COQ5: variants seen among roughly 807,000 people sequenced by gnomAD.
COQ5 encodes coenzyme Q5, methyltransferase.
A neutral mutation model predicts 40.5 loss-of-function variants in COQ5; 27 were observed. That is an observed-to-expected ratio of 0.67 (90% CI 0.49 to 0.92). The LOEUF (loss-of-function observed/expected upper bound fraction) is 0.92. Ranked by LOEUF, COQ5 falls within the 40% of genes least tolerant of loss-of-function variation. The pLI, the probability that COQ5 is intolerant of heterozygous loss-of-function variation, is 0.00. For synonymous variants in COQ5, 141 were observed against 150.0 expected (o/e 0.94, Z 0.44); for missense variants, 409 against 406.4 (o/e 1.01, Z -0.06).
chr12:120,522,708 C>A, intron 1 of COQ5: 1 of 655,728 alleles, frequency 1.5e-6, no homozygotes. Flanking sequence ...GGAGCCTAAG[C>A]TGGAGCTGCA....
chr12:120,516,270 A>G (rs1015032194), intron 3 of COQ5, among the ~76,000 whole-genome samples: 1 of 152,142 alleles, frequency 6.6e-6, no homozygotes, highest in Non-Finnish European at 1.5e-5. Context: ...TGAAGATTCA[A>G]CTCCAATTTG....
intron 1 of COQ5, 30 bp downstream of exon 1, chr12:120,528,910 C>T (rs781518428): frequency 6.3e-7 from 1 of 1,599,438 alleles, no homozygotes; most frequent in Non-Finnish European, 8.6e-7. Context: ...ACGGTCAGAT[C>T]CCTCCCATCC....
Position 120,504,938 on chromosome 12 carries a change from G to T in COQ5, c.727C>A (p.Leu243Ile). The T allele has an allele frequency of 6.2e-7, 1 of 1,614,164 alleles. No individual in the cohort carries two copies. The change falls in exon 5 of 7, where the codon CTC (leucine) becomes ATC (isoleucine). Residue 243 changes from leucine (L) to isoleucine (I), a missense_variant. Leu to Ile is a conservative substitution (Grantham distance 5). Coordinates refer to ENST00000288532, the MANE Select transcript of COQ5 (RefSeq NM_032314.4). ...HRVLKPGGRF[L>I]CLEFSQVNNP... ...TTCACTTGGCTAAATTCCAGACAGA[G>T]AAACCGTCCTCCTGGTTTCAGCACC...
At chr12:120,506,990 T>C (rs1056752813) in intron 4 of COQ5, among the ~76,000 whole-genome samples, 4 of 151,354 alleles carry the variant, frequency 2.6e-5, no homozygotes, top group Non-Finnish European at 5.9e-5. Flanking sequence ...CCCGCCACCA[T>C]GCCTGGCTAA....
chr12:120,524,813 CTTTT>C (rs60750755), intron 1 of COQ5, among the ~76,000 whole-genome samples: 5 of 146,452 alleles, frequency 3.4e-5, no homozygotes, highest in African/African-American at 1.0e-4. Context: ...GCGCTCTTTC[CTTTT>C]TTTTTTTTAA....
At position 120,513,363 on chromosome 12, in the gene COQ5, G is replaced by A. The variant is rs547917634; in HGVS notation, c.574+3204C>T. Among the ~76,000 whole-genome samples the A allele has an allele frequency of 8.2e-4, 124 of 151,096 alleles. 2 individuals are homozygous for A. Among genetic ancestry groups the A allele is most frequent in the Middle Eastern group, 6.8e-3 (2 of 294 alleles). ...CTAAAAATACAAAAATTAGCCGGGC[G>A]TGGCGGCATGTGCCTGTAGTCCCAG... On this transcript the variant is annotated intron_variant, in intron 3 of 6. Transcript: ENST00000288532.
rs752104796 is a variant in COQ5 at position 120,503,938 on chromosome 12, G to A, written c.882+32C>T. On this transcript the variant is annotated intron_variant, in intron 6 of 6. Transcript: ENST00000288532. ...CAGGGTAGCCTGGATATCACTGTAGGGCCTTTGTTTAAAGCTATAGAAGTT... is the reference window on the plus strand; with the variant it reads ...CAGGGTAGCCTGGATATCACTGTAGAGCCTTTGTTTAAAGCTATAGAAGTT... The A allele has an allele frequency of 2.5e-6, 4 of 1,594,788 alleles. No homozygotes were observed. In the East Asian group the frequency reaches 8.9e-5, roughly 36 times the overall value.
rs1246186720 is a variant in COQ5 at position 120,516,772 on chromosome 12, C to T, written c.369G>A (p.Arg123=). The T allele has an allele frequency of 1.2e-6, 2 of 1,614,138 alleles. No homozygotes were observed. Among genetic ancestry groups the T allele is most frequent in the African/African-American group, 1.3e-5 (1 of 75,044 alleles). The stretch of plus-strand genomic sequence containing the variant: ...GCTGGGACTGAACATAATTAAGGAA[C>T]CGGAATGCAATGTCACCTGTGGGAA... ...VAGGTGDIAF[R]FLNYVQSQHQ... is the part of the protein sequence containing the mutation. The change falls in exon 3 of 7, where the codon CGG becomes CGA. Residue 123 remains arginine, a synonymous_variant. Transcript: ENST00000288532.
At chr12:120,526,533 A>C (rs1482055253) in intron 1 of COQ5, 6 of 452,774 alleles carry the variant, frequency 1.3e-5, no homozygotes, top group Non-Finnish European at 8.9e-6. Flanking sequence ...AAAAACTTTC[A>C]CATTAAAGGA....
intron 2 of COQ5, among the ~76,000 whole-genome samples, chr12:120,520,791 C>T (rs926768550): frequency 6.6e-6 from 1 of 151,898 alleles, no homozygotes; most frequent in African/African-American, 2.4e-5. Context: ...ATGACATCAC[C>T]AAGACGCATT....
chr12:120,515,200 T>C (rs1171192964), intron 3 of COQ5, among the ~76,000 whole-genome samples: 1 of 152,262 alleles, frequency 6.6e-6, no homozygotes, highest in Admixed American at 6.5e-5. Flanking sequence ...CAAGTGATCC[T>C]CCTGCTTCAG....
chr12:120,514,710 T>A (rs1298851321), intron 3 of COQ5, among the ~76,000 whole-genome samples: 1 of 151,532 alleles, frequency 6.6e-6, no homozygotes, highest in Non-Finnish European at 1.5e-5. Context: ...TCCACTGTAC[T>A]CCATCCTGGG....
chr12:120,520,394 C>T lies in COQ5; in HGVS notation c.352+1820G>A, dbSNP rs547072694. On this transcript the variant is annotated intron_variant, in intron 2 of 6. Coordinates refer to ENST00000288532, the MANE Select transcript of COQ5 (RefSeq NM_032314.4). ...AGGCTGGAGTGTGGTGGCTTGATCT[C>T]GGCTCACTGCAACCTCGGCCTCCTG... Among the ~76,000 whole-genome samples, 81 of 151,716 alleles carry T rather than the reference C, an allele frequency of 5.3e-4. 1 individual carries two copies. The highest frequency in any genetic ancestry group is 9.7e-4 in the Non-Finnish European group (66 of 67,944).
At chr12:120,521,635 C>T (rs114949335) in intron 2 of COQ5, among the ~76,000 whole-genome samples, 3,541 of 148,816 alleles carry the variant, frequency 0.024, 149 homozygotes, top group African/African-American at 0.083. Context: ...GAGATTGCAC[C>T]GCTGCTGCAC....
chr12:120,514,863 G>A (rs1333948901), intron 3 of COQ5, among the ~76,000 whole-genome samples: 1 of 151,928 alleles, frequency 6.6e-6, no homozygotes, highest in East Asian at 1.9e-4. Context: ...GCACCATCTT[G>A]GTTCACCACA....
In COQ5 at chr12:120,529,127, C is replaced by A; in HGVS notation, c.15G>T (p.Gly5=). The part of the protein sequence containing the change: MAAP[G]SCALWSYCGR... ...CGCAATAGCTCCATAGAGCACAGCT[C>A]CCGGGGGCCGCCATCTTGGTAGTCG... Residue 5 remains glycine (G), a synonymous_variant, in exon 1 of 7, where the codon GGG becomes GGT. Coordinates refer to ENST00000288532, the MANE Select transcript of COQ5 (RefSeq NM_032314.4). 6.2e-7 allele frequency: 1 copy of A among 1,613,670 alleles called. No individual in the cohort carries two copies. The highest frequency in any genetic ancestry group is 1.7e-4 in the Middle Eastern group (1 of 6,020).
At chr12:120,524,602 C>T (rs998320103) in intron 1 of COQ5, among the ~76,000 whole-genome samples, 9 of 152,050 alleles carry the variant, frequency 5.9e-5, no homozygotes, top group African/African-American at 2.2e-4. Flanking sequence ...TTTCTCTGCC[C>T]GTAAGACGGC....
At chr12:120,516,974 C>T (rs1869405302) in intron 2 of COQ5, among the ~76,000 whole-genome samples, 186 bp from the exon 3 acceptor site, 1 of 152,230 alleles carries the variant, frequency 6.6e-6, no homozygotes, top group Non-Finnish European at 1.5e-5. Flanking sequence ...CACTCCATCA[C>T]CCTAGCTGGA....
intron 2 of COQ5, among the ~76,000 whole-genome samples, chr12:120,521,073 T>G (rs1185902899): frequency 1.1e-4 from 16 of 150,252 alleles, no homozygotes; most frequent in Admixed American, 2.0e-4. Flanking sequence ...CGTTTTTTTT[T>G]TTTTTTTTTT....
Sources: allele counts gnomAD v4.1 joint callset (sites outside exome capture counted in the v4.1 genomes callset), GRCh38; gene constraint gnomAD v4.1.1; transcripts MANE v1.5; gene names NCBI Gene and HGNC (gene_info 2026-07-23, HGNC 2026-07-21).